Variants in ZSWIM5 observed in about 807,000 individuals in gnomAD.
The protein encoded by ZSWIM5 is zinc finger SWIM domain-containing protein 5.
A neutral mutation model predicts 119.6 loss-of-function variants in ZSWIM5; 55 were observed. The observed-to-expected ratio is 0.46, with a 90% CI of 0.37 to 0.58. The LOEUF (loss-of-function observed/expected upper bound fraction) is 0.58, where lower values mean the gene tolerates loss of function less well. ZSWIM5 is among the 20% of genes least tolerant of loss of function. The probability of loss-of-function intolerance (pLI) is 0.00; values close to 1 mark genes in which losing one functional copy is unlikely to be tolerated. For missense variants in ZSWIM5, 1,193 were observed against 1,512.8 expected (o/e 0.79, Z 3.51); for synonymous variants, 537 against 606.9 (o/e 0.88, Z 1.69).
At chr1:45,136,347 T>A (rs985458409) in intron 1 of ZSWIM5, among the ~76,000 whole-genome samples, 1 of 152,148 alleles carries the variant, frequency 6.6e-6, no homozygotes, top group Non-Finnish European at 1.5e-5. Context: ...TTATCATGGT[T>A]ACAAAATTTC....
intron 2 of ZSWIM5, among the ~76,000 whole-genome samples, chr1:45,065,124 C>A (rs1002597955): frequency 3.3e-5 from 5 of 152,168 alleles, no homozygotes; most frequent in African/African-American, 1.2e-4. Context: ...GTGAAAAATG[C>A]AGGTTATGGA....
At chr1:45,145,624 T>C (rs574324898) in intron 1 of ZSWIM5, among the ~76,000 whole-genome samples, 14 of 152,130 alleles carry the variant, frequency 9.2e-5, no homozygotes, top group African/African-American at 3.1e-4. Flanking sequence ...ACCAAAACTA[T>C]AATGATGGAG....
At chr1:45,097,067 C>A (rs536386877) in intron 1 of ZSWIM5, among the ~76,000 whole-genome samples, 1 of 152,296 alleles carries the variant, frequency 6.6e-6, no homozygotes, top group South Asian at 2.1e-4. Context: ...AAATGTGCAG[C>A]AAGAGCTCTG....
intron 1 of ZSWIM5, among the ~76,000 whole-genome samples, chr1:45,163,245 T>C (rs1428766624): frequency 6.6e-6 from 1 of 152,176 alleles, no homozygotes; most frequent in African/African-American, 2.4e-5. Context: ...CCAACAGACC[T>C]GCAGCTGAGG....
At chr1:45,145,579 A>G (rs1417968847) in intron 1 of ZSWIM5, among the ~76,000 whole-genome samples, 1 of 152,108 alleles carries the variant, frequency 6.6e-6, no homozygotes, top group Non-Finnish European at 1.5e-5. Context: ...GTAACACACT[A>G]TATATTTCCA....
chr1:45,105,150 C>T (rs1645462372), intron 1 of ZSWIM5, among the ~76,000 whole-genome samples: 1 of 152,198 alleles, frequency 6.6e-6, no homozygotes, highest in South Asian at 2.1e-4. Flanking sequence ...CGGGGTTTCA[C>T]CGTGTTGACC....
At chr1:45,149,258 T>C (rs1484548440) in intron 1 of ZSWIM5, among the ~76,000 whole-genome samples, 2 of 152,178 alleles carry the variant, frequency 1.3e-5, no homozygotes, top group African/African-American at 4.8e-5. Context: ...AGCAAGACCT[T>C]GTCTCTAAAA....
At chr1:45,179,160 T>A (rs1645999479) in intron 1 of ZSWIM5, among the ~76,000 whole-genome samples, 1 of 152,114 alleles carries the variant, frequency 6.6e-6, no homozygotes, top group Non-Finnish European at 1.5e-5. Flanking sequence ...GTATATTCAT[T>A]ACAGCACTAT....
Position 45,018,333 on chromosome 1 carries a change from C to A in ZSWIM5, c.*121G>T. ...TTTCCCCATCCTTAGCCCTGTGGTC[C>A]TTTGGCCTCATCCACAGGTGCTCAG... On this transcript the variant is annotated 3_prime_UTR_variant, in exon 14 of 14. Coordinates refer to ENST00000359600, the MANE Select transcript of ZSWIM5 (RefSeq NM_020883.2). This position sits in a 1 kb window ranked among gnomAD's most constrained non-coding sequence, Gnocchi z 6.7. The A allele has an allele frequency of 7.8e-7, 1 of 1,275,878 alleles. No homozygotes were observed. The highest frequency in any genetic ancestry group is 1.1e-6 in the Non-Finnish European group (1 of 927,056). The allele number at this position is 1,275,878 out of a possible 1,614,324, so 79.0% of individuals were successfully genotyped here. A position where few individuals can be genotyped will look rare whatever the true frequency, so the allele number is the denominator to read the frequency against.
At chr1:45,172,651 A>G (rs1157109391) in intron 1 of ZSWIM5, among the ~76,000 whole-genome samples, 3 of 152,080 alleles carry the variant, frequency 2.0e-5, no homozygotes, top group Non-Finnish European at 4.4e-5. Flanking sequence ...TACCTCTTGC[A>G]GCTGAACTCT....
intron 1 of ZSWIM5, among the ~76,000 whole-genome samples, chr1:45,105,748 G>A (rs1281141032): frequency 1.4e-5 from 2 of 142,788 alleles, no homozygotes; most frequent in Non-Finnish European, 3.0e-5. Flanking sequence ...CTGCCCCGCC[G>A]CCACCCCATC....
At chr1:45,173,035 T>C (rs2883901) in intron 1 of ZSWIM5, among the ~76,000 whole-genome samples, 8,837 of 151,974 alleles carry the variant, frequency 0.058, 546 homozygotes, top group East Asian at 0.23. Context: ...CATGGTGGTG[T>C]GTGCCTGTGG....
intron 11 of ZSWIM5, among the ~76,000 whole-genome samples, chr1:45,023,962 T>C (rs1644904236): frequency 6.6e-6 from 1 of 152,222 alleles, no homozygotes; most frequent in African/African-American, 2.4e-5. Context: ...TAATGACATA[T>C]AAGTTGAGCA....
At chr1:45,106,046 CCGG>C (rs1274715155) in intron 1 of ZSWIM5, among the ~76,000 whole-genome samples, 6 of 142,070 alleles carry the variant, frequency 4.2e-5, no homozygotes, top group African/African-American at 1.1e-4. Context: ...GCGCCTCTGC[CCGG>C]CCGCCCCGTC....
At chr1:45,084,386 C>T (rs572416620) in intron 2 of ZSWIM5, among the ~76,000 whole-genome samples, 30 of 152,202 alleles carry the variant, frequency 2.0e-4, no homozygotes, top group African/African-American at 6.7e-4. Context: ...TATCATTCTG[C>T]CCCTGGCCCC....
chr1:45,124,370 C>T lies in ZSWIM5; in HGVS notation c.596-36133G>A, dbSNP rs116746846. ...AGAAAAGTAAGGTTTCTATACTTCA[C>T]TTGAAGTGGTAAAATATCAACATCA... is the stretch of plus-strand genomic sequence containing the variant. On this transcript the variant is annotated intron_variant, in intron 1 of 13. Coordinates refer to ENST00000359600, the MANE Select transcript of ZSWIM5 (RefSeq NM_020883.2). Among the ~76,000 whole-genome samples, 1,041 of 152,160 alleles carry T rather than the reference C, an allele frequency of 6.8e-3. 4 individuals carry two copies. Among genetic ancestry groups the T allele is most frequent in the Non-Finnish European group, 0.011 (750 of 67,972 alleles).
chr1:45,125,294 C>A (rs1047265684), intron 1 of ZSWIM5, among the ~76,000 whole-genome samples: 6 of 151,952 alleles, frequency 3.9e-5, no homozygotes, highest in Admixed American at 2.6e-4. Flanking sequence ...AGAAAGGTAA[C>A]AGGAAAATCA....
chr1:45,060,412 T>A (rs1216929094), intron 2 of ZSWIM5, among the ~76,000 whole-genome samples, 165 bp from the exon 3 acceptor site: 2 of 152,188 alleles, frequency 1.3e-5, no homozygotes, highest in Non-Finnish European at 2.9e-5. Context: ...TACATAAAAT[T>A]AATTTTTCAA....
intron 2 of ZSWIM5, among the ~76,000 whole-genome samples, chr1:45,081,017 T>G (rs541587238): frequency 6.6e-6 from 1 of 152,106 alleles, no homozygotes; most frequent in Non-Finnish European, 1.5e-5. Context: ...CAGCTAGCAG[T>G]TTTAGGAATT....
Sources: allele counts gnomAD v4.1 joint callset (sites outside exome capture counted in the v4.1 genomes callset), GRCh38; gene constraint gnomAD v4.1.1; non-coding constraint Gnocchi (gnomAD v3.1); transcripts MANE v1.5; gene names NCBI Gene and HGNC (gene_info 2026-07-23, HGNC 2026-07-21).